Variants in TGFBR1 observed in about 807,000 individuals in gnomAD.
TGFBR1 encodes transforming growth factor beta receptor 1.
Under a neutral mutation model 55.1 loss-of-function variants are expected in TGFBR1, and 20 were observed. That is an observed-to-expected ratio of 0.36 (90% CI 0.26 to 0.53). The LOEUF is 0.53. Ranked by LOEUF, TGFBR1 falls within the 20% of genes least tolerant of loss-of-function variation. TGFBR1 has a pLI of 0.91. For synonymous variants in TGFBR1, 220 were observed against 214.8 expected (o/e 1.02, Z -0.21); for missense variants, 385 against 617.6 (o/e 0.62, Z 3.99).
chr9:99,142,552 T>C lies in TGFBR1; in HGVS notation c.822T>C (p.Thr274=). 1 of 1,614,062 alleles carries C rather than the reference T, an allele frequency of 6.2e-7. No homozygotes were observed. The highest frequency in any genetic ancestry group is 1.1e-5 in the South Asian group (1 of 91,088). The change falls in exon 5 of 9, where the codon ACT becomes ACC. Residue 274 remains threonine (T), a synonymous_variant. Transcript: ENST00000374994. ...GTTTTACAGACAATGGTACTTGGACTCAGCTCTGGTTGGTGTCAGATTATC... is the reference window on the plus strand; with the variant it reads ...GTTTTACAGACAATGGTACTTGGACCCAGCTCTGGTTGGTGTCAGATTATC... ...AADNKDNGTW[T]QLWLVSDYHE...
Position 99,120,059 on chromosome 9 carries a change from A to G in TGFBR1, c.98-8796A>G, listed in dbSNP as rs148955983. The stretch of plus-strand genomic sequence containing the variant: ...TGCTGGGCACTGTGCTAAGTATTCT[A>G]TGTATGTTATTTCATTAACCCTCAA... On this transcript the variant is annotated intron_variant, in intron 1 of 8. Transcript: ENST00000374994. Among the ~76,000 whole-genome samples, 16 of 152,336 alleles carry G rather than the reference A, an allele frequency of 1.1e-4. No individual in the cohort carries two copies. The East Asian group carries it at 2.1e-3, about 20-fold the overall frequency.
chr9:99,129,251 A>G, intron 2 of TGFBR1, 151 bp downstream of exon 2: 1 of 915,596 alleles, frequency 1.1e-6, no homozygotes, highest in Non-Finnish European at 1.7e-6. Flanking sequence ...CAGACTTATA[A>G]GAGTAACCAA....
At chr9:99,145,344 T>C (rs927688002) in intron 6 of TGFBR1, among the ~76,000 whole-genome samples, 2 of 152,198 alleles carry the variant, frequency 1.3e-5, no homozygotes, top group Non-Finnish European at 2.9e-5. Flanking sequence ...TTTCTCAGCC[T>C]CATACCCACC....
intron 8 of TGFBR1, among the ~76,000 whole-genome samples, chr9:99,148,237 T>A (rs1827863512): frequency 6.6e-6 from 1 of 152,180 alleles, no homozygotes; most frequent in African/African-American, 2.4e-5. Flanking sequence ...TACAAAGGTG[T>A]TTCAAATGAT....
chr9:99,106,496 T>G (rs1403653090), intron 1 of TGFBR1, among the ~76,000 whole-genome samples: 1 of 152,264 alleles, frequency 6.6e-6, no homozygotes. Context: ...CTACCGTCTA[T>G]GTATTGTGCA....
chr9:99,113,335 T>A (rs1240893666), intron 1 of TGFBR1, among the ~76,000 whole-genome samples: 2 of 152,220 alleles, frequency 1.3e-5, no homozygotes, highest in Non-Finnish European at 2.9e-5. Context: ...CCCTGATGGC[T>A]ATCCTTTTAA....
intron 7 of TGFBR1, 38 bp downstream of exon 7, chr9:99,146,647 G>A (rs2118829892): frequency 6.2e-7 from 1 of 1,613,426 alleles, no homozygotes; most frequent in Non-Finnish European, 8.5e-7. Flanking sequence ...TTTGTCATGA[G>A]CAGAAGTTGT....
intron 8 of TGFBR1, among the ~76,000 whole-genome samples, chr9:99,148,552 T>A (rs1043397086): frequency 6.6e-6 from 1 of 152,210 alleles, no homozygotes; most frequent in Non-Finnish European, 1.5e-5. Context: ...TAAACTATTG[T>A]AGGACTCAGC....
rs2118570879 is a variant in TGFBR1 at position 99,129,019 on chromosome 9, C to A, written c.262C>A (p.Pro88Thr). ...IPRDRPFVCA[P>T]SSKTGSVTTT... ...TCGAGATAGGCCGTTTGTATGTGCA[C>A]CCTCTTCAAAAACTGGGTCTGTGAC... The change falls in exon 2 of 9, where the codon CCC (proline) becomes ACC (threonine). Residue 88 changes from proline to threonine, a missense_variant. By Grantham distance (38) the Pro-to-Thr change is conservative (BLOSUM62 -1). Coordinates refer to ENST00000374994, the MANE Select transcript of TGFBR1 (RefSeq NM_004612.4). 6.2e-7 allele frequency: 1 copy of A among 1,613,890 alleles called. No individual in the cohort carries two copies.
At position 99,153,866 on chromosome 9, in the gene TGFBR1, G is replaced by A. The variant is rs536822023; in HGVS notation, c.*4561G>A. On this transcript the variant is annotated 3_prime_UTR_variant, in exon 9 of 9. Transcript: ENST00000374994. ...CTGGGGGCTTTTCTCCACATGCTTA[G>A]GGGTGTGGGTCTTCCATTGGGGCAT... 5 of 212,968 alleles carry A rather than the reference G, an allele frequency of 2.3e-5. No individual in the cohort carries two copies. The highest frequency in any genetic ancestry group is 2.1e-4 in the East Asian group (3 of 14,400). 13.2% of individuals were successfully genotyped at this position (212,968 alleles called of 1,614,324 possible).
chr9:99,136,914 G>A (rs1260565998), intron 3 of TGFBR1, among the ~76,000 whole-genome samples: 1 of 151,974 alleles, frequency 6.6e-6, no homozygotes, highest in Non-Finnish European at 1.5e-5. Flanking sequence ...ATGTACACTG[G>A]CATTTTCTTT....
chr9:99,146,401 A>G, intron 6 of TGFBR1, 84 bp from the exon 7 acceptor site: 1 of 1,480,550 alleles, frequency 6.8e-7, no homozygotes, highest in Non-Finnish European at 9.4e-7. Flanking sequence ...ATGTCTATGT[A>G]TAAAGAAATG....
upstream of TGFBR1, among the ~76,000 whole-genome samples, chr9:99,104,334 G>GT (rs1826337621): frequency 6.6e-6 from 1 of 152,194 alleles, no homozygotes; most frequent in South Asian, 2.1e-4. Context: ...TCGGGAAGGG[G>GT]TTTGAGAGGA....
chr9:99,128,061 TATCTGTGTGTATGAG>T, intron 1 of TGFBR1: 1 of 454,814 alleles, frequency 2.2e-6, no homozygotes, highest in South Asian at 1.6e-5. Context: ...GTTGAAGGTG[TATCTGTGTGTATGAG>T]AAGGTGTTGG....
At chr9:99,115,467 T>A (rs1826708166) in intron 1 of TGFBR1, among the ~76,000 whole-genome samples, 1 of 152,216 alleles carries the variant, frequency 6.6e-6, no homozygotes, top group African/African-American at 2.4e-5. Flanking sequence ...AACGAATGGC[T>A]TTTTCTGCGA....
chr9:99,147,545 A>G, intron 7 of TGFBR1, 109 bp from the exon 8 acceptor site: 4 of 1,038,186 alleles, frequency 3.9e-6, no homozygotes, highest in Non-Finnish European at 5.8e-6. Flanking sequence ...TGTTCCACAT[A>G]CCTACTTTAG....
intron 1 of TGFBR1, among the ~76,000 whole-genome samples, chr9:99,125,213 G>T (rs918880048): frequency 2.6e-5 from 4 of 152,108 alleles, no homozygotes; most frequent in African/African-American, 9.7e-5. Context: ...TGACTTCAAG[G>T]CCTTGTTGGT....
chr9:99,108,937 G>A lies in TGFBR1; in HGVS notation c.97+3635G>A, dbSNP rs74677657. Reference sequence around the variant, plus strand: ...AAGTATATTATCACTTCAATTTACAGATGAAAAAACGACTCAGGTGAATTT... The same window carrying A: ...AAGTATATTATCACTTCAATTTACAAATGAAAAAACGACTCAGGTGAATTT... On this transcript the variant is annotated intron_variant, in intron 1 of 8. Coordinates refer to ENST00000374994, the MANE Select transcript of TGFBR1 (RefSeq NM_004612.4). Among the ~76,000 whole-genome samples the A allele has an allele frequency of 8.6e-3, 1,303 of 151,298 alleles. 5 individuals carry two copies. The highest frequency in any genetic ancestry group is 0.033 in the East Asian group (166 of 5,026).
chr9:99,130,705 A>G (rs1827196824), intron 2 of TGFBR1, among the ~76,000 whole-genome samples: 1 of 152,220 alleles, frequency 6.6e-6, no homozygotes, highest in African/African-American at 2.4e-5. Flanking sequence ...TAGGAGTTCA[A>G]AAGAAGTAGT....
Sources: gnomAD v4.1 joint callset for allele counts (sites outside exome capture counted in the v4.1 genomes callset) on GRCh38, gnomAD v4.1.1 for gene constraint, MANE v1.5 for transcripts, NCBI Gene and HGNC (gene_info 2026-07-23, HGNC 2026-07-21) for gene names.